Variants in BACE2 observed in about 807,000 individuals in gnomAD.
The protein encoded by BACE2 is 56 kDa aspartic-like protease.
A neutral mutation model predicts 46.2 loss-of-function variants in BACE2; 17 were observed. The observed-to-expected ratio is 0.37, with a 90% confidence interval of 0.25 to 0.55. BACE2 has a LOEUF of 0.55. Ranked by LOEUF, BACE2 falls within the 20% of genes least tolerant of loss-of-function variation. BACE2 has a pLI of 0.82. For missense variants in BACE2, 595 were observed against 698.1 expected (o/e 0.85, Z 1.66); for synonymous variants, 277 against 295.9 (o/e 0.94, Z 0.66).
intron 1 of BACE2, among the ~76,000 whole-genome samples, chr21:41,194,730 A>G (rs879499391): frequency 1.4e-4 from 22 of 152,310 alleles, no homozygotes; most frequent in South Asian, 4.1e-4. Context: ...TCCTAAATCT[A>G]TAATTTTCTG....
chr21:41,202,534 C>G (rs1302264582), intron 1 of BACE2, among the ~76,000 whole-genome samples: 1 of 152,192 alleles, frequency 6.6e-6, no homozygotes, highest in Non-Finnish European at 1.5e-5. Context: ...GGCACCAAGT[C>G]CCTTTCACTA....
intron 1 of BACE2, among the ~76,000 whole-genome samples, chr21:41,197,388 G>A (rs1333000309): frequency 2.0e-5 from 3 of 151,828 alleles, no homozygotes; most frequent in Non-Finnish European, 4.4e-5. Flanking sequence ...CAAGTGACTG[G>A]CAGTGGTATG....
At chr21:41,208,142 C>T (rs77381609) in intron 1 of BACE2, among the ~76,000 whole-genome samples, 64 of 152,312 alleles carry the variant, frequency 4.2e-4, no homozygotes, top group Non-Finnish European at 6.5e-4. Flanking sequence ...AACCAAGTCA[C>T]GACCCACATG....
At chr21:41,181,619 TG>T (rs1985128134) in intron 1 of BACE2, 1 of 167,092 alleles carries the variant, frequency 6.0e-6, no homozygotes, top group South Asian at 2.1e-4. Context: ...GTTAGAGTTA[TG>T]AGTGCACTGG....
At position 41,279,115 on chromosome 21, in the gene BACE2, G is replaced by A. The variant is rs565094913; in HGVS notation, c.*3491G>A. ...AGAGGTACTAGATTTTTTTAATGCC[G>A]AGAAAAGTCCATGCCACAGAAGTTA... On this transcript the variant is annotated 3_prime_UTR_variant, in exon 9 of 9. Transcript: ENST00000330333. 6 of 151,924 alleles carry A rather than the reference G, an allele frequency of 3.9e-5. No homozygotes were observed. The highest frequency in any genetic ancestry group is 7.3e-5 in the African/African-American group (3 of 41,338). 9.4% of individuals were successfully genotyped at this position (151,924 alleles called of 1,614,324 possible). A position where few individuals can be genotyped will look rare whatever the true frequency, so the allele number is the denominator to read the frequency against.
intron 1 of BACE2, among the ~76,000 whole-genome samples, chr21:41,216,360 C>A (rs1323201874): frequency 1.3e-5 from 2 of 152,236 alleles, no homozygotes; most frequent in Non-Finnish European, 2.9e-5. Flanking sequence ...GCTCCAGGAA[C>A]GACCATCGTG....
At chr21:41,208,702 A>G (rs1431004510) in intron 1 of BACE2, among the ~76,000 whole-genome samples, 2 of 151,966 alleles carry the variant, frequency 1.3e-5, no homozygotes, top group African/African-American at 2.4e-5. Context: ...GCTGCTGAGG[A>G]TGGGGGTGTT....
intron 1 of BACE2, among the ~76,000 whole-genome samples, chr21:41,188,722 A>C (rs142716796): frequency 6.6e-6 from 1 of 152,346 alleles, no homozygotes; most frequent in Non-Finnish European, 1.5e-5. Flanking sequence ...TAGATAAGAG[A>C]AACCTTAGAA....
chr21:41,198,117 A>G (rs58595766), intron 1 of BACE2, among the ~76,000 whole-genome samples: 6,916 of 151,860 alleles, frequency 0.046, 530 homozygotes, highest in African/African-American at 0.16. Context: ...TCAGCCCCCC[A>G]AGTAGCTGGA....
At chr21:41,168,716 T>A in intron 1 of BACE2, 141 bp downstream of exon 1, 1 of 331,114 alleles carries the variant, frequency 3.0e-6, no homozygotes, top group Non-Finnish European at 4.9e-6. Context: ...GCAGAGGGGC[T>A]CGGGTGGGCC....
At chr21:41,199,814 G>A (rs9977370) in intron 1 of BACE2, among the ~76,000 whole-genome samples, 55,822 of 152,008 alleles carry the variant, frequency 0.37, 13,426 homozygotes, top group African/African-American at 0.68. Flanking sequence ...GATGGCTGCC[G>A]TTGTTGTAGG....
chr21:41,275,716 T>G lies in BACE2; in HGVS notation c.*92T>G. 2 of 1,477,300 alleles carry G rather than the reference T, an allele frequency of 1.4e-6. No individual in the cohort carries two copies. The highest frequency in any genetic ancestry group is 2.6e-5 in the South Asian group (2 of 77,898). The allele number at this position is 1,477,300 out of a possible 1,614,324, so 91.5% of individuals were successfully genotyped here. A position where few individuals can be genotyped will look rare whatever the true frequency, so the allele number is the denominator to read the frequency against. ...AGCCGGGATCGATGGTGGCGCTTTC[T>G]CCTGTGCCCACCCGTCTTCAATCTC... On this transcript the variant is annotated 3_prime_UTR_variant, in exon 9 of 9. Transcript: ENST00000330333.
At chr21:41,248,952 G>A (rs1247590200) in intron 6 of BACE2, among the ~76,000 whole-genome samples, 4 of 152,132 alleles carry the variant, frequency 2.6e-5, no homozygotes, top group Admixed American at 6.5e-5. Context: ...GCCCCTCCTC[G>A]TGGAGCCTCT....
intron 8 of BACE2, among the ~76,000 whole-genome samples, chr21:41,267,042 T>C (rs150597741): frequency 4.5e-4 from 69 of 152,122 alleles, no homozygotes; most frequent in African/African-American, 1.3e-3. Flanking sequence ...GGGGGAGCAG[T>C]GAGTGGGAGC....
intron 3 of BACE2, among the ~76,000 whole-genome samples, chr21:41,240,436 T>A (rs1177494365): frequency 6.6e-6 from 1 of 152,236 alleles, no homozygotes. Flanking sequence ...TCCTTCGCTG[T>A]GTGCGTGTGC....
chr21:41,197,275 GTT>G (rs56933411), intron 1 of BACE2, among the ~76,000 whole-genome samples: 14 of 135,034 alleles, frequency 1.0e-4, no homozygotes, highest in South Asian at 2.4e-4. Flanking sequence ...GGTTTTTTTT[GTT>G]TTTTTTTTTT....
Position 41,270,528 on chromosome 21 carries a change from T to C in BACE2, c.1304-4843T>C, listed in dbSNP as rs537697429. Among the ~76,000 whole-genome samples the C allele has an allele frequency of 1.7e-3, 252 of 152,232 alleles. 1 individual carries two copies. The highest frequency in any genetic ancestry group is 5.4e-3 in the African/African-American group (226 of 41,536). ...ATCTCCTGGCCTCAAGTGATCCTCC[T>C]ACCACCGTCGCCTAAAGTGCTGGGA... On this transcript the variant is annotated intron_variant, in intron 8 of 8. Coordinates refer to ENST00000330333, the MANE Select transcript of BACE2 (RefSeq NM_012105.5).
At chr21:41,266,424 G>C (rs1988069199) in intron 8 of BACE2, among the ~76,000 whole-genome samples, 1 of 152,208 alleles carries the variant, frequency 6.6e-6, no homozygotes, top group Admixed American at 6.5e-5. Context: ...TTCCAAGAGA[G>C]TGCAGTGTGC....
intron 1 of BACE2, among the ~76,000 whole-genome samples, chr21:41,217,423 A>C (rs1309151295): frequency 6.6e-6 from 1 of 151,886 alleles, no homozygotes; most frequent in African/African-American, 2.4e-5. Context: ...TCTCTCCTTT[A>C]CCTCTTTACC....
Sources: gnomAD v4.1 joint callset for allele counts (sites outside exome capture counted in the v4.1 genomes callset) on GRCh38, gnomAD v4.1.1 for gene constraint, MANE v1.5 for transcripts, NCBI Gene and HGNC (gene_info 2026-07-23, HGNC 2026-07-21) for gene names.